Variants in TMPRSS12 observed in about 807,000 individuals in gnomAD.
TMPRSS12 encodes the protein transmembrane serine protease 12.
Under a neutral mutation model 26.0 loss-of-function variants are expected in TMPRSS12, and 25 were observed. That is an observed-to-expected ratio of 0.96 (90% CI 0.70 to 1.34). The LOEUF is 1.34. TMPRSS12 is among the 40% of genes most tolerant of loss of function. TMPRSS12 has a pLI of 0.00. For synonymous variants in TMPRSS12, 150 were observed against 161.7 expected (o/e 0.93, Z 0.55); for missense variants, 441 against 440.1 (o/e 1.00, Z -0.02).
At chr12:50,867,576 C>T (rs1378494507) in intron 3 of TMPRSS12, among the ~76,000 whole-genome samples, 2 of 152,110 alleles carry the variant, frequency 1.3e-5, no homozygotes, top group East Asian at 1.9e-4. Flanking sequence ...GGAAAACTTC[C>T]CCAGCCTTGC....
In TMPRSS12 at chr12:50,859,914, G is replaced by C. The variant is rs1255690233; in HGVS notation, c.652+861G>C. On this transcript the variant is annotated intron_variant, in intron 3 of 4. Transcript: ENST00000398458. ...GATGCCTGACTGTGTTTCACTCTGT[G>C]TATTTTTTTATCACTTTATGCCATG... Among the ~76,000 whole-genome samples the C allele has an allele frequency of 2.0e-5, 3 of 152,266 alleles. No individual in the cohort carries two copies. In the East Asian group the frequency reaches 5.8e-4, roughly 29 times the overall value.
chr12:50,872,887 G>A (rs1418042517), intron 3 of TMPRSS12, among the ~76,000 whole-genome samples: 3 of 68,444 alleles, frequency 4.4e-5, no homozygotes, highest in African/African-American at 1.6e-4. Flanking sequence ...TATATATGAC[G>A]TATATATGTA....
At chr12:50,847,978 C>G (rs57415141) in intron 2 of TMPRSS12, 1 of 151,746 alleles carries the variant, frequency 6.6e-6, no homozygotes, top group Non-Finnish European at 1.5e-5. Context: ...AGTTCTTTCA[C>G]CAGTAATATG....
At chr12:50,872,089 G>T (rs978863893) in intron 3 of TMPRSS12, among the ~76,000 whole-genome samples, 1 of 152,136 alleles carries the variant, frequency 6.6e-6, no homozygotes, top group Non-Finnish European at 1.5e-5. Context: ...TCCCACTACT[G>T]GGTATCTACC....
chr12:50,851,847 T>C (rs1592217368), intron 2 of TMPRSS12, among the ~76,000 whole-genome samples: 1 of 152,350 alleles, frequency 6.6e-6, no homozygotes, highest in East Asian at 1.9e-4. Flanking sequence ...ACAGCAGACC[T>C]TTCAGCAGAA....
intron 3 of TMPRSS12, among the ~76,000 whole-genome samples, chr12:50,859,279 G>A (rs1937912918): frequency 6.6e-6 from 1 of 150,868 alleles, no homozygotes. Context: ...GCAGTGGCAC[G>A]ATCTCGGCTC....
At chr12:50,860,429 T>C (rs1220794661) in intron 3 of TMPRSS12, among the ~76,000 whole-genome samples, 2 of 152,172 alleles carry the variant, frequency 1.3e-5, no homozygotes, top group Admixed American at 6.5e-5. Flanking sequence ...ACACTTTTTT[T>C]TTAGAGATGG....
intron 3 of TMPRSS12, among the ~76,000 whole-genome samples, chr12:50,875,677 G>T (rs1938107294): frequency 6.6e-6 from 1 of 152,058 alleles, no homozygotes; most frequent in Non-Finnish European, 1.5e-5. Context: ...AATAAATGGT[G>T]CTGGGATAGC....
chr12:50,860,722 G>A (rs1226454020), intron 3 of TMPRSS12, among the ~76,000 whole-genome samples: 5 of 152,108 alleles, frequency 3.3e-5, no homozygotes. Context: ...TAATCCTCCT[G>A]CCTCAGCCTC....
At chr12:50,869,747 A>G (rs1270777195) in intron 3 of TMPRSS12, among the ~76,000 whole-genome samples, 3 of 152,194 alleles carry the variant, frequency 2.0e-5, no homozygotes, top group African/African-American at 7.2e-5. Flanking sequence ...GCTAAAACCC[A>G]TAACAAAATA....
intron 3 of TMPRSS12, among the ~76,000 whole-genome samples, chr12:50,878,845 TC>T (rs1295783428): frequency 6.6e-6 from 1 of 152,182 alleles, no homozygotes; most frequent in Non-Finnish European, 1.5e-5. Flanking sequence ...TATGTTGAAA[TC>T]CTCACTCCCA....
chr12:50,872,772 TATATATGTA>T (rs1938070561), intron 3 of TMPRSS12, among the ~76,000 whole-genome samples: 1 of 62,008 alleles, frequency 1.6e-5, no homozygotes, highest in Non-Finnish European at 3.3e-5. Flanking sequence ...ATATATGACG[TATATATGTA>T]CATATATATG....
At chr12:50,880,494 G>A (rs935871772) in intron 3 of TMPRSS12, among the ~76,000 whole-genome samples, 1 of 152,174 alleles carries the variant, frequency 6.6e-6, no homozygotes, top group Non-Finnish European at 1.5e-5. Context: ...TAGTAAGGAT[G>A]TGGAGAAACT....
Position 50,854,747 on chromosome 12 carries a change from A to T in TMPRSS12, c.384-4038A>T, listed in dbSNP as rs1565931440. ...AAAAGAATAAAATATCTAAGGATAC[A>T]TCTAACCAGGGATGTGAAAGCTCTC... is the stretch of plus-strand genomic sequence containing the variant. On this transcript the variant is annotated intron_variant, in intron 2 of 4. Transcript: ENST00000398458. Among the ~76,000 whole-genome samples the T allele has an allele frequency of 3.9e-5, 6 of 152,216 alleles. No homozygotes were observed. In the South Asian group the frequency reaches 1.0e-3, roughly 26 times the overall value.
At chr12:50,853,785 T>C (rs1259518547) in intron 2 of TMPRSS12, among the ~76,000 whole-genome samples, 1 of 151,880 alleles carries the variant, frequency 6.6e-6, no homozygotes, top group Admixed American at 6.6e-5. Context: ...CAGGAAGAAA[T>C]TGAAACCCTG....
intron 3 of TMPRSS12, among the ~76,000 whole-genome samples, chr12:50,882,587 C>T (rs1938186195): frequency 2.4e-5 from 1 of 41,630 alleles, no homozygotes; most frequent in African/African-American, 8.2e-5. Flanking sequence ...ACATATAGCA[C>T]AGTACTTTTT....
chr12:50,885,475 C>A (rs1938216741), intron 4 of TMPRSS12, 87 bp downstream of exon 4: 1 of 1,452,462 alleles, frequency 6.9e-7, no homozygotes, highest in Non-Finnish European at 9.6e-7. Flanking sequence ...TTCTGGTGGT[C>A]TTAATTATCA....
At chr12:50,881,173 G>A (rs1403864366) in intron 3 of TMPRSS12, among the ~76,000 whole-genome samples, 3 of 151,654 alleles carry the variant, frequency 2.0e-5, no homozygotes, top group Admixed American at 6.6e-5. Context: ...AGTAGAGACG[G>A]GGTTTCTCCA....
At chr12:50,852,222 C>T (rs186662469) in intron 2 of TMPRSS12, among the ~76,000 whole-genome samples, 1 of 152,128 alleles carries the variant, frequency 6.6e-6, no homozygotes, top group Non-Finnish European at 1.5e-5. Flanking sequence ...AGGTTAAACA[C>T]CCCATTTATA....
Sources: gnomAD v4.1 joint callset for allele counts (sites outside exome capture counted in the v4.1 genomes callset) on GRCh38, gnomAD v4.1.1 for gene constraint, MANE v1.5 for transcripts, NCBI Gene and HGNC (gene_info 2026-07-23, HGNC 2026-07-21) for gene names.